ATP2B2: variants seen among roughly 807,000 people sequenced by gnomAD.
The protein encoded by ATP2B2 is ATPase plasma membrane Ca2+ transporting 2.
In ATP2B2, 15 loss-of-function variants were observed where a neutral mutation model predicts 120.0. The ratio of observed to expected loss-of-function variants is 0.12; its 90% CI spans 0.08 to 0.19. The LOEUF is 0.19. Among genes scored for constraint, ATP2B2 ranks in the 10% least tolerant of loss-of-function variants. The pLI, the probability that ATP2B2 is intolerant of heterozygous loss-of-function variation, is 1.00. For missense variants in ATP2B2, 1,045 were observed against 1,719.8 expected (o/e 0.61, Z 6.94); for synonymous variants, 694 against 700.3 (o/e 0.99, Z 0.14).
intron 14 of ATP2B2, among the ~76,000 whole-genome samples, chr3:10,358,164 G>A (rs1160278202): frequency 6.6e-6 from 1 of 152,214 alleles, no homozygotes; most frequent in East Asian, 1.9e-4. Context: ...GTGTTCCTAG[G>A]CCAGCTTGCT....
intron 22 of ATP2B2, chr3:10,332,164 C>T (rs945928927): frequency 7.6e-6 from 6 of 785,970 alleles, no homozygotes; most frequent in Admixed American, 2.0e-5. Flanking sequence ...ATGAGAAGTC[C>T]AGCTTTCTTC....
chr3:10,326,036 G>A lies in ATP2B2; in HGVS notation c.*2778C>T, dbSNP rs2059851059. The stretch of plus-strand genomic sequence containing the variant: ...CACACTGCACGAGTCAGAAGAGCCA[G>A]CGATTGAAAGCATAACCATTGCATA... On this transcript the variant is annotated 3_prime_UTR_variant, in exon 23 of 23. Transcript: ENST00000360273. The A allele has an allele frequency of 6.6e-6, 1 of 152,362 alleles. No individual in the cohort carries two copies. The highest frequency in any genetic ancestry group is 1.5e-5 in the Non-Finnish European group (1 of 68,018). 9.4% of individuals were successfully genotyped at this position (152,362 alleles called of 1,614,324 possible).
rs115631434 is a variant in ATP2B2, at chr3:10,484,125, C to T, written c.-320+21340G>A. 8.8e-4 allele frequency among the ~76,000 whole-genome samples: 134 copies of T among 152,256 alleles called. 1 individual carries two copies. The highest frequency in any genetic ancestry group is 1.4e-3 in the Non-Finnish European group (95 of 67,996). On this transcript the variant is annotated intron_variant, in intron 1 of 22. Transcript: ENST00000360273. ...GGGTGCTGTCTAAGGTCTGAAGCAT[C>T]GTGATGGTGCTGGCCCTGGCTTTGG...
chr3:10,568,050 C>T (rs1211001923), intron 2 of ATP2B2, among the ~76,000 whole-genome samples: 1 of 152,210 alleles, frequency 6.6e-6, no homozygotes, highest in East Asian at 1.9e-4. Flanking sequence ...GGTGAAGAGG[C>T]CCTTTGTGGC....
intron 3 of ATP2B2, among the ~76,000 whole-genome samples, chr3:10,520,439 A>C (rs2066961482): frequency 6.6e-6 from 1 of 152,110 alleles, no homozygotes; most frequent in Non-Finnish European, 1.5e-5. Context: ...AGAAGAAGAG[A>C]GGGTGGACTT....
intron 2 of ATP2B2, among the ~76,000 whole-genome samples, chr3:10,553,433 G>C (rs1209081672): frequency 6.6e-6 from 1 of 152,190 alleles, no homozygotes; most frequent in East Asian, 1.9e-4. Flanking sequence ...ATGGGATTGA[G>C]GGCTGGAAGT....
chr3:10,336,006 C>T (rs1559524183), intron 22 of ATP2B2: 2 of 1,211,134 alleles, frequency 1.7e-6, no homozygotes, highest in Non-Finnish European at 2.3e-6. Flanking sequence ...TGGCTGGGAC[C>T]CTTCATCCCC....
intron 1 of ATP2B2, among the ~76,000 whole-genome samples, chr3:10,621,086 GGCCTGA>G (rs1435178832): frequency 1.3e-5 from 2 of 152,166 alleles, no homozygotes; most frequent in East Asian, 3.9e-4. Flanking sequence ...CTGCTCAGCT[GGCCTGA>G]GCCTGAGCTT....
At position 10,325,966 on chromosome 3, in the gene ATP2B2, ATGT is replaced by A. The variant is rs1330894801; in HGVS notation, c.*2845_*2847del. On this transcript the variant is annotated 3_prime_UTR_variant, in exon 23 of 23. Coordinates refer to ENST00000360273, the MANE Select transcript of ATP2B2 (RefSeq NM_001001331.4). ...AGATATATTTACTATGTTCTGTTTG[ATGT>A]TGTTTTTTGCTTTTTTTTTTAAACC... 1.3e-5 allele frequency: 2 copies of A among 152,144 alleles called. No homozygotes were observed. Among genetic ancestry groups the A allele is most frequent in the East Asian group, 1.9e-4 (1 of 5,198 alleles). 9.4% of individuals were successfully genotyped at this position (152,144 alleles called of 1,614,324 possible). A position where few individuals can be genotyped will look rare whatever the true frequency, so the allele number is the denominator to read the frequency against.
intron 2 of ATP2B2, among the ~76,000 whole-genome samples, chr3:10,576,910 C>T (rs559286604): frequency 6.6e-6 from 1 of 152,030 alleles, no homozygotes; most frequent in South Asian, 2.1e-4. Flanking sequence ...TAAAATTAGC[C>T]TGGTATGGTG....
chr3:10,635,288 C>T lies in ATP2B2; in HGVS notation c.-459-15327G>A, dbSNP rs1415160869. Among the ~76,000 whole-genome samples, 2 of 152,102 alleles carry T rather than the reference C, an allele frequency of 1.3e-5. No individual in the cohort carries two copies. Among genetic ancestry groups the T allele is most frequent in the African/African-American group, 2.4e-5 (1 of 41,402 alleles). On this transcript the variant is annotated intron_variant, in intron 1 of 21. Transcript: ENST00000646379. The surrounding 1 kb of genome is among the most constrained non-coding windows in gnomAD (Gnocchi z 4.3). Reference sequence around the variant, plus strand: ...AAACCCATAACATTCAACATAGTCACGGGATTTGCCTGAAGCCCCGGGTTT... The same window carrying T: ...AAACCCATAACATTCAACATAGTCATGGGATTTGCCTGAAGCCCCGGGTTT...
intron 2 of ATP2B2, among the ~76,000 whole-genome samples, chr3:10,611,635 T>C (rs9834762): frequency 0.44 from 66,390 of 151,990 alleles, 16,286 homozygotes; most frequent in East Asian, 0.78. Context: ...TCTGACTGGG[T>C]CCTCACCCAG....
chr3:10,341,830 A>G (rs7637850), intron 19 of ATP2B2, among the ~76,000 whole-genome samples: 19,456 of 152,168 alleles, frequency 0.13, 1,511 homozygotes, highest in East Asian at 0.38. Flanking sequence ...AAGCTTTTTC[A>G]TGATAAGTTT....
In ATP2B2 at chr3:10,324,229, G is replaced by A. The variant is rs988687730; in HGVS notation, c.*4585C>T. ...AAGCTGGAGGCGGCACCATTCCCTC[G>A]CTACTCTATTATAAAATATGTGCAC... On this transcript the variant is annotated 3_prime_UTR_variant, in exon 23 of 23. Transcript: ENST00000360273. The A allele has an allele frequency of 1.3e-5, 2 of 152,076 alleles. No individual in the cohort carries two copies. The highest frequency in any genetic ancestry group is 4.8e-5 in the African/African-American group (2 of 41,484). The allele number at this position is 152,076 out of a possible 1,614,324, so 9.4% of individuals were successfully genotyped here.
intron 5 of ATP2B2, among the ~76,000 whole-genome samples, chr3:10,391,617 T>G (rs1013486154): frequency 6.6e-6 from 1 of 152,142 alleles, no homozygotes; most frequent in Non-Finnish European, 1.5e-5. Flanking sequence ...TTAGGCATAG[T>G]GCGCTCCCCG....
intron 5 of ATP2B2, among the ~76,000 whole-genome samples, chr3:10,399,166 T>C (rs569608077): frequency 1.4e-4 from 21 of 152,316 alleles, no homozygotes; most frequent in African/African-American, 4.8e-4. Flanking sequence ...CCAGAGGACA[T>C]ACCTGGCCAC....
chr3:10,677,900 A>T (rs2071283447), intron 1 of ATP2B2, among the ~76,000 whole-genome samples: 1 of 152,210 alleles, frequency 6.6e-6, no homozygotes, highest in Non-Finnish European at 1.5e-5. Flanking sequence ...CCCTGCTCTA[A>T]GTACTTCTCT....
chr3:10,692,755 G>A (rs2071687131), intron 1 of ATP2B2, among the ~76,000 whole-genome samples: 1 of 152,160 alleles, frequency 6.6e-6, no homozygotes, highest in South Asian at 2.1e-4. Flanking sequence ...ATTAGGCCTG[G>A]TTCACAGCGA....
intron 1 of ATP2B2, among the ~76,000 whole-genome samples, chr3:10,493,450 A>G (rs565476577): frequency 6.6e-6 from 1 of 152,250 alleles, no homozygotes; most frequent in African/African-American, 2.4e-5. Flanking sequence ...AACGAGAGGA[A>G]AGCCAGGAGA....
Sources: allele counts gnomAD v4.1 joint callset (sites outside exome capture counted in the v4.1 genomes callset), GRCh38; gene constraint gnomAD v4.1.1; non-coding constraint Gnocchi (gnomAD v3.1); transcripts MANE v1.5; gene names NCBI Gene and HGNC (gene_info 2026-07-23, HGNC 2026-07-21).